TAMM41: variants seen among roughly 807,000 people sequenced by gnomAD.
TAMM41 encodes the protein TAM41 mitochondrial translocator assembly and maintenance homolog, also known as phosphatidate cytidylyltransferase, mitochondrial.
A neutral mutation model predicts 44.1 loss-of-function variants in TAMM41; 36 were observed. The observed-to-expected ratio is 0.82, with a 90% CI of 0.63 to 1.08. The LOEUF (loss-of-function observed/expected upper bound fraction) is 1.08. Ranked by LOEUF, TAMM41 falls within the 50% of genes least tolerant of loss-of-function variation. The pLI, the probability that TAMM41 is intolerant of heterozygous loss-of-function variation, is 0.00. For synonymous variants in TAMM41, 164 were observed against 153.1 expected (o/e 1.07, Z -0.53); for missense variants, 417 against 404.3 (o/e 1.03, Z -0.27).
At chr3:11,735,174 A>G in the TAMM41 span, among the ~76,000 whole-genome samples, 6 of 151,952 alleles carry the variant, frequency 3.9e-5, no homozygotes, top group African/African-American at 9.7e-5. Context: ...GCTGGGCAAC[A>G]AAGTGAGACC....
At chr3:11,800,944 TA>T (rs1452460152) in intron 7 of TAMM41, among the ~76,000 whole-genome samples, 1 of 152,036 alleles carries the variant, frequency 6.6e-6, no homozygotes, top group Non-Finnish European at 1.5e-5. Flanking sequence ...AAAATAAATG[TA>T]GCCAGGCATG....
rs548820023 is a variant in TAMM41 at position 11,822,023 on chromosome 3, T to C, written c.563-4686A>G. 5.9e-5 allele frequency among the ~76,000 whole-genome samples: 9 copies of C among 152,256 alleles called. 1 individual carries two copies. In the South Asian group the frequency reaches 1.5e-3, roughly 25 times the overall value. On this transcript the variant is annotated intron_variant, in intron 4 of 7. Coordinates refer to ENST00000455809, the MANE Select transcript of TAMM41 (RefSeq NM_001284401.2). ...GTATGAGGTGTATATGAAACATAAATGAACTTCGTGTTTAGACCTGGGCCG... is the reference window on the plus strand; with the variant it reads ...GTATGAGGTGTATATGAAACATAAACGAACTTCGTGTTTAGACCTGGGCCG...
chr3:11,828,995 C>T (rs1277424795), intron 4 of TAMM41, among the ~76,000 whole-genome samples: 2 of 152,064 alleles, frequency 1.3e-5, no homozygotes, highest in Non-Finnish European at 2.9e-5. Context: ...AAATCTTAAA[C>T]GGAACCTTAC....
chr3:11,845,166 T>C, intron 1 of TAMM41: 2 of 352,302 alleles, frequency 5.7e-6, no homozygotes, highest in Non-Finnish European at 1.1e-5. Context: ...TGCTAGAAAA[T>C]TTTCCTGCAG....
chr3:11,839,373 A>G (rs2079333807), intron 2 of TAMM41, 59 bp from the exon 3 acceptor site: 2 of 1,097,656 alleles, frequency 1.8e-6, no homozygotes, highest in Non-Finnish European at 2.7e-6. Flanking sequence ...TGCTTATACA[A>G]GTATAAAATA....
At chr3:11,727,896 C>T in the TAMM41 span, among the ~76,000 whole-genome samples, 6 of 151,446 alleles carry the variant, frequency 4.0e-5, no homozygotes, top group Admixed American at 3.3e-4. Context: ...AAGTGATTCT[C>T]CTGCCTCAGC....
At chr3:11,790,895 A>G (rs2077463200) in intron 7 of TAMM41, among the ~76,000 whole-genome samples, 1 of 152,218 alleles carries the variant, frequency 6.6e-6, no homozygotes, top group African/African-American at 2.4e-5. Flanking sequence ...AAGGTAGGAC[A>G]AGGATAAGAC....
intron 5 of TAMM41, among the ~76,000 whole-genome samples, chr3:11,813,706 T>C (rs1233342000): frequency 6.6e-6 from 1 of 151,682 alleles, no homozygotes; most frequent in Non-Finnish European, 1.5e-5. Context: ...CCCAGTACTT[T>C]GGGAGGCCAA....
downstream of TAMM41, among the ~76,000 whole-genome samples, chr3:11,788,242 A>G (rs536761762): frequency 7.2e-5 from 11 of 152,328 alleles, no homozygotes; most frequent in African/African-American, 2.2e-4. Flanking sequence ...CAGAGGACAG[A>G]AGTTAAAGTA....
chr3:11,768,579 C>G, the TAMM41 span, among the ~76,000 whole-genome samples: 5 of 152,216 alleles, frequency 3.3e-5, no homozygotes, highest in Admixed American at 6.5e-5. Context: ...AGTACCTATG[C>G]TATTCCAGAC....
At chr3:11,751,541 C>G in the TAMM41 span, among the ~76,000 whole-genome samples, 5 of 152,162 alleles carry the variant, frequency 3.3e-5, no homozygotes, top group African/African-American at 9.7e-5. Context: ...CCTACCGAAC[C>G]TCATGGTTGA....
the TAMM41 span, among the ~76,000 whole-genome samples, chr3:11,727,248 C>T: frequency 2.5e-4 from 38 of 152,268 alleles, no homozygotes; most frequent in Admixed American, 1.2e-3. Context: ...TAGAATTAAA[C>T]CCTGGTGGTC....
chr3:11,783,016 T>C, the TAMM41 span, among the ~76,000 whole-genome samples: 1 of 152,228 alleles, frequency 6.6e-6, no homozygotes, highest in African/African-American at 2.4e-5. Context: ...CAGCTGGAGC[T>C]GCAGACCAGG....
the TAMM41 span, among the ~76,000 whole-genome samples, chr3:11,726,972 A>C: frequency 1.3e-5 from 2 of 152,132 alleles, no homozygotes; most frequent in African/African-American, 4.8e-5. Flanking sequence ...CAAAGAACTC[A>C]GTGGAAAAAC....
intron 2 of TAMM41, among the ~76,000 whole-genome samples, chr3:11,842,338 G>A (rs1193827688): frequency 6.7e-6 from 1 of 149,626 alleles, no homozygotes; most frequent in Admixed American, 6.7e-5. Context: ...AGGTTGCAGT[G>A]AGCAGAGATC....
At chr3:11,836,136 G>A (rs1263034591) in intron 3 of TAMM41, among the ~76,000 whole-genome samples, 2 of 151,830 alleles carry the variant, frequency 1.3e-5, no homozygotes, top group Non-Finnish European at 2.9e-5. Context: ...GATTACAGGT[G>A]CATGCCGCAA....
At chr3:11,741,913 C>T in the TAMM41 span, among the ~76,000 whole-genome samples, 1 of 150,148 alleles carries the variant, frequency 6.7e-6, no homozygotes, top group Admixed American at 6.6e-5. Context: ...GGGCAGGGAG[C>T]GTCTGCAGCA....
chr3:11,779,608 C>T, the TAMM41 span, among the ~76,000 whole-genome samples: 1 of 151,668 alleles, frequency 6.6e-6, no homozygotes. Flanking sequence ...TGTTTGTTCT[C>T]TTCATGCTGG....
the TAMM41 span, among the ~76,000 whole-genome samples, chr3:11,775,368 C>T: frequency 6.6e-6 from 1 of 152,166 alleles, no homozygotes; most frequent in African/African-American, 2.4e-5. Context: ...CCGCCACCAC[C>T]CTGGTGATTT....
Sources: allele counts gnomAD v4.1 joint callset (sites outside exome capture counted in the v4.1 genomes callset), GRCh38; gene constraint gnomAD v4.1.1; transcripts MANE v1.5; gene names NCBI Gene and HGNC (gene_info 2026-07-23, HGNC 2026-07-21).